Variants in PRELP observed in about 807,000 individuals in gnomAD.
PRELP encodes prolargin.
PRELP carries 16 observed loss-of-function variants against 22.8 expected under a neutral mutation model. The observed-to-expected ratio is 0.70, with a 90% CI of 0.47 to 1.06. PRELP has a LOEUF of 1.06. PRELP is among the 50% of genes least tolerant of loss of function. PRELP has a pLI of 0.00. For synonymous variants in PRELP, 233 were observed against 211.4 expected, an observed-to-expected ratio of 1.10 and a Z score of -0.89; for missense variants, 434 against 485.2, an observed-to-expected ratio of 0.89 and a Z score of 0.99.
At position 203,483,963 on chromosome 1, in the gene PRELP, G is replaced by A; in HGVS notation, c.779G>A (p.Gly260Glu). Reference protein sequence around the residue: ...DSNKIETIPNGYFKSFPNLAF... With the variant: ...DSNKIETIPNEYFKSFPNLAF... ...AACAAGATTGAGACCATCCCTAACG[G>A]ATACTTCAAGAGCTTTCCCAATCTT... The change falls in exon 2 of 3, where the codon GGA becomes GAA. Residue 260 changes from glycine to glutamate, a missense_variant. By Grantham distance (98) the Gly-to-Glu change is moderately conservative. Coordinates refer to ENST00000343110, the MANE Select transcript of PRELP (RefSeq NM_002725.4). The surrounding 1 kb of genome is among the most constrained non-coding windows in gnomAD (Gnocchi z 4.4). The A allele has an allele frequency of 6.2e-7, 1 of 1,614,208 alleles. No individual in the cohort carries two copies. The highest frequency in any genetic ancestry group is 2.2e-5 in the East Asian group (1 of 44,878).
chr1:203,478,395 C>T (rs2102204697), intron 1 of PRELP, among the ~76,000 whole-genome samples: 1 of 152,352 alleles, frequency 6.6e-6, no homozygotes, highest in Non-Finnish European at 1.5e-5. Context: ...CCCCACCGCT[C>T]AGAATGGAAA....
chr1:203,486,069 C>T (rs1411743990), intron 2 of PRELP, among the ~76,000 whole-genome samples: 1 of 152,178 alleles, frequency 6.6e-6, no homozygotes, highest in Non-Finnish European at 1.5e-5. Flanking sequence ...CAGATCTCAC[C>T]TTACTCCATT....
chr1:203,481,092 C>A (rs1238982734), intron 1 of PRELP, among the ~76,000 whole-genome samples: 1 of 152,144 alleles, frequency 6.6e-6, no homozygotes, highest in African/African-American at 2.4e-5. Context: ...GGTGCCCAGT[C>A]CCTGGCATAT....
chr1:203,477,017 T>C (rs1660922583), intron 1 of PRELP, among the ~76,000 whole-genome samples: 1 of 151,222 alleles, frequency 6.6e-6, no homozygotes, highest in Non-Finnish European at 1.5e-5. Context: ...CCTGCTCCCC[T>C]GCTCATTCCT....
chr1:203,482,783 G>A (rs55782321), intron 1 of PRELP, among the ~76,000 whole-genome samples: 3 of 151,794 alleles, frequency 2.0e-5, no homozygotes, highest in African/African-American at 7.3e-5. Context: ...ATTTTTAGTA[G>A]AGACAGGGTT....
intron 1 of PRELP, among the ~76,000 whole-genome samples, chr1:203,479,472 G>C (rs1407784850): frequency 6.6e-6 from 1 of 152,124 alleles, no homozygotes. Context: ...GGAGACTGAG[G>C]AGGACAGATC....
At chr1:203,482,923 C>A (rs1055134814) in intron 1 of PRELP, among the ~76,000 whole-genome samples, 1 of 152,040 alleles carries the variant, frequency 6.6e-6, no homozygotes, top group African/African-American at 2.4e-5. Flanking sequence ...CAGCATGTCC[C>A]CCGCCCTCTT....
At chr1:203,485,658 G>A (rs907717774) in intron 2 of PRELP, among the ~76,000 whole-genome samples, 9 of 152,168 alleles carry the variant, frequency 5.9e-5, no homozygotes, top group East Asian at 1.9e-4. Context: ...GAAAACCCCC[G>A]TGTCAGGGCC....
intron 1 of PRELP, among the ~76,000 whole-genome samples, chr1:203,480,784 G>A (rs1660986678): frequency 6.6e-6 from 1 of 152,220 alleles, no homozygotes; most frequent in Non-Finnish European, 1.5e-5. Flanking sequence ...GGCTCTGGGA[G>A]CAGCTTGGCT....
In PRELP at chr1:203,486,968, C is replaced by T; in HGVS notation, c.*87C>T. 1.5e-6 allele frequency: 2 copies of T among 1,379,146 alleles called. No individual in the cohort carries two copies. The highest frequency in any genetic ancestry group is 2.4e-4 in the Middle Eastern group (1 of 4,176). 85.4% of individuals were successfully genotyped at this position (1,379,146 alleles called of 1,614,324 possible). A position where few individuals can be genotyped will look rare whatever the true frequency, so the allele number is the denominator to read the frequency against. ...GCCGGCCATTCGTTTTCTCTCTCTC[C>T]CTTTCTTTCTCCCAGCTTTGCCTCC... On this transcript the variant is annotated 3_prime_UTR_variant, in exon 3 of 3. Transcript: ENST00000343110.
Position 203,483,460 on chromosome 1 carries a change from C to T in PRELP, c.276C>T (p.Arg92=). ...CATCTGCCCTCTACTGTGATAGCCGCAACCTGCGAAAGGTCCCTGTCATCC... is the reference window on the plus strand; with the variant it reads ...CATCTGCCCTCTACTGTGATAGCCGTAACCTGCGAAAGGTCCCTGTCATCC... ...DFPSALYCDS[R]NLRKVPVIPP... Residue 92 remains arginine, a synonymous_variant, in exon 2 of 3, where the codon CGC becomes CGT. Transcript: ENST00000343110. The surrounding 1 kb of genome is among the most constrained non-coding windows in gnomAD (Gnocchi z 4.4). The T allele has an allele frequency of 6.2e-7, 1 of 1,614,206 alleles. No homozygotes were observed. The highest frequency in any genetic ancestry group is 8.5e-7 in the Non-Finnish European group (1 of 1,180,030).
chr1:203,487,929 T>A lies in PRELP; in HGVS notation c.*1048T>A, dbSNP rs1466998770. 6.6e-6 allele frequency: 1 copy of A among 152,228 alleles called. No individual in the cohort carries two copies. Among genetic ancestry groups the A allele is most frequent in the African/African-American group, 2.4e-5 (1 of 41,466 alleles). The allele number at this position is 152,228 out of a possible 1,614,324, so 9.4% of individuals were successfully genotyped here. A position where few individuals can be genotyped will look rare whatever the true frequency, so the allele number is the denominator to read the frequency against. On this transcript the variant is annotated 3_prime_UTR_variant, in exon 3 of 3. Coordinates refer to ENST00000343110, the MANE Select transcript of PRELP (RefSeq NM_002725.4). ...CGCCTCCTCCTCGGAGACAGACGCATCGGTGCCACCTAGTGGCTGGTGGGA... is the reference window on the plus strand; with the variant it reads ...CGCCTCCTCCTCGGAGACAGACGCAACGGTGCCACCTAGTGGCTGGTGGGA...
rs1172926799 is a variant in PRELP, at chr1:203,488,060, A to C, written c.*1179A>C. On this transcript the variant is annotated 3_prime_UTR_variant, in exon 3 of 3. Coordinates refer to ENST00000343110, the MANE Select transcript of PRELP (RefSeq NM_002725.4). The stretch of plus-strand genomic sequence containing the variant: ...CACGGAAGAGCCATGGGCCGTGTGC[A>C]TGGTGTCGCTCTCCTCTAGGGTCTA... 1 of 152,214 alleles carries C rather than the reference A, an allele frequency of 6.6e-6. No individual in the cohort carries two copies. The highest frequency in any genetic ancestry group is 1.5e-5 in the Non-Finnish European group (1 of 68,046). The allele number at this position is 152,214 out of a possible 1,614,324, so 9.4% of individuals were successfully genotyped here.
intron 1 of PRELP, among the ~76,000 whole-genome samples, chr1:203,477,545 G>A (rs918088795): frequency 6.6e-6 from 1 of 152,136 alleles, no homozygotes; most frequent in African/African-American, 2.4e-5. Context: ...CAGGACCCCA[G>A]GAGCATGTGC....
In PRELP at chr1:203,483,814, C is replaced by T. The variant is rs372428491; in HGVS notation, c.630C>T (p.Gly210=). The part of the protein sequence containing the change: ...LDLQHNRLSD[G]VFKPDTFHGL... ...TCCAGCACAACAGGCTGAGCGACGG[C>T]GTCTTCAAGCCCGACACCTTCCATG... The change falls in exon 2 of 3, where the codon GGC becomes GGT. Residue 210 remains glycine (G), a synonymous_variant. Transcript: ENST00000343110. The surrounding 1 kb of genome is among the most constrained non-coding windows in gnomAD (Gnocchi z 4.4). 3.3e-5 allele frequency: 54 copies of T among 1,614,040 alleles called. No homozygotes were observed. The highest frequency in any genetic ancestry group is 4.2e-5 in the Non-Finnish European group (50 of 1,179,998).
intron 2 of PRELP, among the ~76,000 whole-genome samples, chr1:203,485,239 T>C (rs1661073911): frequency 6.6e-6 from 1 of 151,870 alleles, no homozygotes. Flanking sequence ...TAAAACACAT[T>C]ACCCCCAGGA....
Position 203,486,686 on chromosome 1 carries a change from C to T in PRELP, c.974-20C>T, listed in dbSNP as rs748737384. On this transcript the variant is annotated intron_variant, in intron 2 of 2. Coordinates refer to ENST00000343110, the MANE Select transcript of PRELP (RefSeq NM_002725.4). The stretch of plus-strand genomic sequence containing the variant: ...GCCAGCCTCCACTCCCTTCTGATTT[C>T]TCGTCTTCTTTTTCCGTAGAAATCA... The T allele has an allele frequency of 8.1e-6, 13 of 1,601,052 alleles. No homozygotes were observed. Among genetic ancestry groups the T allele is most frequent in the Admixed American group, 6.7e-5 (4 of 59,760 alleles).
At chr1:203,481,211 A>G (rs960216375) in intron 1 of PRELP, among the ~76,000 whole-genome samples, 6 of 151,884 alleles carry the variant, frequency 4.0e-5, no homozygotes, top group Non-Finnish European at 7.4e-5. Context: ...GATCATTTCT[A>G]GGCTTCTGGG....
chr1:203,488,224 A>AACCGAGGAG lies in PRELP; in HGVS notation c.*1343_*1344insACCGAGGAG, dbSNP rs1661131340. The AACCGAGGAG allele has an allele frequency of 1.3e-5, 2 of 152,402 alleles. No homozygotes were observed. Among genetic ancestry groups the AACCGAGGAG allele is most frequent in the Admixed American group, 6.5e-5 (1 of 15,284 alleles). 9.4% of individuals were successfully genotyped at this position (152,402 alleles called of 1,614,324 possible). ...CATCTGTAAACCGAGGAGGTGGATA[A>AACCGAGGAG]GATGCTCCCGGCCGGGCGCGGTGGC... On this transcript the variant is annotated 3_prime_UTR_variant, in exon 3 of 3. Coordinates refer to ENST00000343110, the MANE Select transcript of PRELP (RefSeq NM_002725.4).
Sources: allele counts gnomAD v4.1 joint callset (sites outside exome capture counted in the v4.1 genomes callset), GRCh38; gene constraint gnomAD v4.1.1; non-coding constraint Gnocchi (gnomAD v3.1); transcripts MANE v1.5; gene names NCBI Gene and HGNC (gene_info 2026-07-23, HGNC 2026-07-21).